Variants in CEP63 observed in about 807,000 individuals in gnomAD.
CEP63 encodes the protein centrosomal protein of 63 kDa.
In CEP63, 84 loss-of-function variants were observed where a neutral mutation model predicts 89.1. The ratio of observed to expected loss-of-function variants is 0.94; its 90% CI spans 0.79 to 1.13. The LOEUF (loss-of-function observed/expected upper bound fraction) is 1.13, where lower values mean the gene tolerates loss of function less well. Ranked by LOEUF, CEP63 falls within the 50% of genes most tolerant of loss-of-function variation. The pLI is 0.00. For missense variants in CEP63, 838 were observed against 813.3 expected (o/e 1.03, Z -0.37); for synonymous variants, 267 against 272.5 (o/e 0.98, Z 0.20).
chr3:134,609,161 C>T, the CEP63 span, among the ~76,000 whole-genome samples: 1 of 152,212 alleles, frequency 6.6e-6, no homozygotes, highest in Non-Finnish European at 1.5e-5. Flanking sequence ...GCCTGTGGAC[C>T]ACGCAGTGGG....
downstream of CEP63, among the ~76,000 whole-genome samples, chr3:134,577,504 G>A (rs1958244551): frequency 3.2e-5 from 4 of 126,110 alleles, no homozygotes; most frequent in African/African-American, 1.2e-4. Flanking sequence ...TTGGCTCACT[G>A]CAAGCTCTAC....
chr3:134,754,710 ATTTCT>A, the CEP63 span, among the ~76,000 whole-genome samples: 9 of 152,024 alleles, frequency 5.9e-5, no homozygotes, highest in African/African-American at 2.2e-4. Flanking sequence ...ACAAAGTGAG[ATTTCT>A]TTTAAGAGTT....
At chr3:134,592,580 G>A (rs897815947), downstream of CEP63, among the ~76,000 whole-genome samples, 2 of 150,436 alleles carry the variant, frequency 1.3e-5, no homozygotes, top group Non-Finnish European at 2.9e-5. Context: ...TTTCACTGGG[G>A]TGGTGGTTAC....
chr3:134,623,850 C>T, the CEP63 span, among the ~76,000 whole-genome samples: 1 of 152,212 alleles, frequency 6.6e-6, no homozygotes, highest in African/African-American at 2.4e-5. Flanking sequence ...TTCCAGAACT[C>T]TGACCCTTCC....
chr3:134,631,320 C>A, the CEP63 span, among the ~76,000 whole-genome samples: 1 of 152,008 alleles, frequency 6.6e-6, no homozygotes, highest in Non-Finnish European at 1.5e-5. Context: ...TGGAAAGTAG[C>A]CAGTGAAAAG....
the CEP63 span, among the ~76,000 whole-genome samples, chr3:134,639,464 G>A: frequency 6.6e-5 from 10 of 152,174 alleles, no homozygotes; most frequent in Non-Finnish European, 1.3e-4. Context: ...CATTAGGAAC[G>A]GAAAACAAAG....
intron 8 of CEP63, among the ~76,000 whole-genome samples, chr3:134,546,819 T>C (rs1953453197): frequency 1.3e-5 from 2 of 152,194 alleles, no homozygotes; most frequent in African/African-American, 4.8e-5. Context: ...GAGACTCTCA[T>C]GTTTAGAAAG....
intron 6 of CEP63, 59 bp downstream of exon 6, chr3:134,537,327 T>G: frequency 9.5e-7 from 1 of 1,055,906 alleles, no homozygotes; most frequent in South Asian, 1.3e-5. Flanking sequence ...AAGTTTGAAC[T>G]ACCTTAATGC....
At chr3:134,745,829 G>C in the CEP63 span, among the ~76,000 whole-genome samples, 1 of 151,678 alleles carries the variant, frequency 6.6e-6, no homozygotes. Context: ...ATCGTTTCCA[G>C]CGTCACCCAT....
chr3:134,689,533 C>T, the CEP63 span, among the ~76,000 whole-genome samples: 1 of 152,150 alleles, frequency 6.6e-6, no homozygotes, highest in East Asian at 1.9e-4. Flanking sequence ...CTCACTGCAA[C>T]CTCTGCCTCC....
chr3:134,597,183 G>T, the CEP63 span, among the ~76,000 whole-genome samples: 1 of 152,156 alleles, frequency 6.6e-6, no homozygotes, highest in African/African-American at 2.4e-5. Flanking sequence ...AGCATGGAGC[G>T]ATCCTCTTGG....
the CEP63 span, among the ~76,000 whole-genome samples, chr3:134,764,546 T>C: frequency 2.6e-5 from 4 of 152,328 alleles, no homozygotes; most frequent in East Asian, 7.7e-4. Flanking sequence ...TGATGTTTCA[T>C]TGATCACAAT....
Position 134,550,195 on chromosome 3 carries a change from T to C in CEP63, c.1315T>C (p.Ser439Pro). ...ITIASTKGSSSDMEKRLRAEM... is the reference protein window; with the variant it reads ...ITIASTKGSSPDMEKRLRAEM... ...TATTGCTTCCACCAAAGGTTCTTCC[T>C]CAGACATGGAAAAGCGACTCAGAGC... Residue 439 changes from serine to proline, a missense_variant, in exon 11 of 15, where the codon TCA (serine) becomes CCA (proline). Ser to Pro is a moderately conservative substitution (Grantham distance 74). Transcript: ENST00000675561. The C allele has an allele frequency of 2.5e-6, 4 of 1,613,232 alleles. No homozygotes were observed. Among genetic ancestry groups the C allele is most frequent in the Non-Finnish European group, 3.4e-6 (4 of 1,179,570 alleles).
chr3:134,704,400 A>AT, the CEP63 span, among the ~76,000 whole-genome samples: 52 of 152,120 alleles, frequency 3.4e-4, no homozygotes, highest in African/African-American at 1.2e-3. Flanking sequence ...GACATTTAGT[A>AT]GGGGAGGGAA....
Position 134,506,747 on chromosome 3 carries a change from C to T in CEP63, c.45-362C>T, listed in dbSNP as rs898776754. On this transcript the variant is annotated intron_variant, in intron 2 of 14. Coordinates refer to ENST00000675561, the MANE Select transcript of CEP63 (RefSeq NM_001353108.3). ...CCAGCCTGGCCTACATGGCAAAACC[C>T]CATCTCTACTAAAAATAAAAATTAG... Among the ~76,000 whole-genome samples the T allele has an allele frequency of 7.9e-5, 12 of 151,896 alleles. No homozygotes were observed. The East Asian group carries it at 2.1e-3, about 27-fold the overall frequency.
chr3:134,491,313 T>A (rs985699314), intron 1 of CEP63, among the ~76,000 whole-genome samples: 3 of 152,238 alleles, frequency 2.0e-5, no homozygotes, highest in Non-Finnish European at 4.4e-5. Flanking sequence ...TGTATTTCTC[T>A]TATGAGCAAG....
the CEP63 span, among the ~76,000 whole-genome samples, chr3:134,693,093 G>A: frequency 2.0e-5 from 3 of 152,180 alleles, no homozygotes; most frequent in Non-Finnish European, 4.4e-5. Context: ...TTGGGACAGT[G>A]TTCAGGAAAA....
chr3:134,717,535 T>A, the CEP63 span, among the ~76,000 whole-genome samples: 2 of 152,198 alleles, frequency 1.3e-5, no homozygotes, highest in African/African-American at 4.8e-5. Flanking sequence ...TGGAGCCTCA[T>A]TCTAATGTCT....
At chr3:134,587,676 G>A (rs1248306280) in exon 11 of CEP63, among the ~76,000 whole-genome samples, 2 of 152,118 alleles carry the variant, frequency 1.3e-5, no homozygotes, top group East Asian at 3.9e-4. Flanking sequence ...TGAGGAGGCA[G>A]TCTGTCTGTT....
Sources: gnomAD v4.1 joint callset for allele counts (sites outside exome capture counted in the v4.1 genomes callset) on GRCh38, gnomAD v4.1.1 for gene constraint, MANE v1.5 for transcripts, NCBI Gene and HGNC (gene_info 2026-07-23, HGNC 2026-07-21) for gene names.